UPRT: variants seen among roughly 807,000 people sequenced by gnomAD.
UPRT encodes the protein RP11-311P8.3.
In UPRT, 5 loss-of-function variants were observed where a neutral mutation model predicts 22.6. That is an observed-to-expected ratio of 0.22 (90% CI 0.12 to 0.47). The LOEUF is 0.47. Among genes scored for constraint, UPRT ranks in the 20% least tolerant of loss-of-function variants. The pLI is 0.99. For missense variants in UPRT, 181 were observed against 239.9 expected, an observed-to-expected ratio of 0.75 and a Z score of 1.62; for synonymous variants, 77 against 87.7, an observed-to-expected ratio of 0.88 and a Z score of 0.68.
chrX:75,250,480 C>G (rs1312583289), intron 4 of UPRT, among the ~76,000 whole-genome samples: 37 of 111,470 alleles, frequency 3.3e-4, no homozygotes, highest in African/African-American at 9.4e-4. Flanking sequence ...ATAAATTCCT[C>G]GACACATACA....
chrX:75,244,493 T>G lies in UPRT; in HGVS notation c.-446-46531T>G, dbSNP rs550478564. Among the ~76,000 whole-genome samples, 12 of 111,505 alleles carry G rather than the reference T, an allele frequency of 1.1e-4. No homozygotes were observed. The South Asian group carries it at 4.1e-3, about 38-fold the overall frequency. The stretch of plus-strand genomic sequence containing the variant: ...AAGCAAAAAGAAAAAAGGCATCACA[T>G]TACCTGACTTCAAACTATACTAAAA... On this transcript the variant is annotated intron_variant, in intron 4 of 13. Transcript: ENST00000652605.
intron 4 of UPRT, among the ~76,000 whole-genome samples, chrX:75,211,079 G>C (rs1221958622): frequency 9.0e-6 from 1 of 110,531 alleles, no homozygotes; most frequent in African/African-American, 3.3e-5. Flanking sequence ...TAAGCCCTGG[G>C]CTGGGAGGTT....
intron 4 of UPRT, among the ~76,000 whole-genome samples, chrX:75,258,829 C>T (rs770194734): frequency 9.8e-5 from 11 of 111,996 alleles, no homozygotes; most frequent in Admixed American, 4.7e-4. Flanking sequence ...GACTGGGAGA[C>T]GCATCCCAGT....
chrX:75,255,819 CT>C (rs2082547808), intron 4 of UPRT, among the ~76,000 whole-genome samples: 1 of 111,474 alleles, frequency 9.0e-6, no homozygotes, highest in Admixed American at 9.5e-5. Context: ...TATCACAATC[CT>C]AAACATATAT....
intron 4 of UPRT, among the ~76,000 whole-genome samples, chrX:75,180,695 G>GTTTTTTTTTTTTTTTTTTT (rs61040746): frequency 5.8e-5 from 2 of 34,659 alleles, no homozygotes; most frequent in Non-Finnish European, 4.6e-5. Context: ...TTTTTTTTTT[G>GTTTTTTTTTTTTTTTTTTT]TTTTTTTTTT....
chrX:75,296,125 A>G (rs1418600314), intron 2 of UPRT, among the ~76,000 whole-genome samples: 1 of 111,311 alleles, frequency 9.0e-6, no homozygotes, highest in Non-Finnish European at 1.9e-5. Context: ...TTTGGTGACA[A>G]TCATGGCCTA....
chrX:75,253,710 CTGCAGGACCTGAGAGACAA>C (rs1185035298), intron 4 of UPRT, among the ~76,000 whole-genome samples: 1 of 111,926 alleles, frequency 8.9e-6, no homozygotes, highest in Non-Finnish European at 1.9e-5. Flanking sequence ...CAGATTGCCC[CTGCAGGACCTGAGAGACAA>C]TGCAAATACT....
At chrX:75,205,501 G>A (rs1250300548) in intron 4 of UPRT, among the ~76,000 whole-genome samples, 1 of 111,307 alleles carries the variant, frequency 9.0e-6, no homozygotes, top group Non-Finnish European at 1.9e-5. Flanking sequence ...AGCACAATGA[G>A]GTTGGTCCTG....
intron 4 of UPRT, among the ~76,000 whole-genome samples, chrX:75,219,161 C>A (rs373297288): frequency 1.4e-4 from 16 of 112,022 alleles, no homozygotes; most frequent in African/African-American, 4.5e-4. Context: ...TAATTGAATT[C>A]TCTGCCTAAC....
chrX:75,185,678 A>G (rs776583961), intron 4 of UPRT, among the ~76,000 whole-genome samples: 1 of 111,650 alleles, frequency 9.0e-6, no homozygotes, highest in South Asian at 3.8e-4. Context: ...GTAAGCTATT[A>G]ATTATTGCCA....
intron 4 of UPRT, among the ~76,000 whole-genome samples, chrX:75,225,951 A>G (rs981622745): frequency 6.3e-5 from 7 of 111,629 alleles, no homozygotes; most frequent in African/African-American, 2.3e-4. Flanking sequence ...TCTAATAGGC[A>G]TCTCAAACTT....
At chrX:75,205,083 GA>G (rs1202909030) in intron 4 of UPRT, among the ~76,000 whole-genome samples, 1 of 111,227 alleles carries the variant, frequency 9.0e-6, no homozygotes, top group Non-Finnish European at 1.9e-5. Flanking sequence ...TATAAGAGAA[GA>G]TTTGGGCCGG....
chrX:75,159,783 T>C (rs1170111559), intron 1 of UPRT, among the ~76,000 whole-genome samples: 1 of 95,014 alleles, frequency 1.1e-5, no homozygotes, highest in Non-Finnish European at 2.1e-5. Flanking sequence ...TTTTTTTTTT[T>C]TTTTTTTTTT....
chrX:75,281,769 C>T (rs1270755161), intron 1 of UPRT, among the ~76,000 whole-genome samples: 2 of 111,660 alleles, frequency 1.8e-5, no homozygotes, highest in African/African-American at 6.5e-5. Flanking sequence ...CAGGGTGATG[C>T]TGGCTTCATA....
intron 1 of UPRT, among the ~76,000 whole-genome samples, chrX:75,290,258 A>T (rs190906981): frequency 3.6e-5 from 4 of 112,131 alleles, no homozygotes; most frequent in South Asian, 7.4e-4. Context: ...ATGAAATACC[A>T]TCTCACACCC....
intron 4 of UPRT, among the ~76,000 whole-genome samples, chrX:75,189,668 G>C (rs759382034): frequency 8.9e-6 from 1 of 112,126 alleles, no homozygotes; most frequent in Non-Finnish European, 1.9e-5. Flanking sequence ...GGGTGCTCCT[G>C]TATTGGGTGC....
At position 75,248,946 on chromosome X, in the gene UPRT, A is replaced by G. The variant is rs764735608; in HGVS notation, c.-446-42078A>G. The stretch of plus-strand genomic sequence containing the variant: ...AAGAATTTTCAACCCAGAATTTCAT[A>G]TCCAGCCAAACTAAGCTTCATAAGT... On this transcript the variant is annotated intron_variant, in intron 4 of 13. Coordinates refer to the UPRT transcript ENST00000652605. Among the ~76,000 whole-genome samples the G allele has an allele frequency of 1.3e-4, 14 of 111,879 alleles. No homozygotes were observed. The South Asian group carries it at 5.2e-3, about 42-fold the overall frequency.
At chrX:75,267,768 G>C (rs894704217) in intron 4 of UPRT, among the ~76,000 whole-genome samples, 1 of 111,738 alleles carries the variant, frequency 8.9e-6, no homozygotes, top group Non-Finnish European at 1.9e-5. Context: ...GCATTGTTTA[G>C]AGGGAAATTT....
At chrX:75,173,156 G>A (rs2082234088) in intron 4 of UPRT, among the ~76,000 whole-genome samples, 2 of 112,211 alleles carry the variant, frequency 1.8e-5, no homozygotes, top group Non-Finnish European at 1.9e-5. Flanking sequence ...CCCTACTAGA[G>A]CAGCTAGACA....
Sources: gnomAD v4.1 joint callset for allele counts (sites outside exome capture counted in the v4.1 genomes callset) on GRCh38, gnomAD v4.1.1 for gene constraint, MANE v1.5 for transcripts, NCBI Gene and HGNC (gene_info 2026-07-23, HGNC 2026-07-21) for gene names.